Variants in CAST observed in about 807,000 individuals in gnomAD.
CAST encodes MIR583 host.
A neutral mutation model predicts 119.6 loss-of-function variants in CAST; 76 were observed. The ratio of observed to expected loss-of-function variants is 0.64; its 90% CI spans 0.53 to 0.77. The LOEUF (loss-of-function observed/expected upper bound fraction) is 0.77. CAST is among the 30% of genes least tolerant of loss of function. CAST has a pLI of 0.00. For missense variants in CAST, 953 were observed against 946.5 expected, an observed-to-expected ratio of 1.01 and a Z score of -0.09; for synonymous variants, 319 against 331.6, an observed-to-expected ratio of 0.96 and a Z score of 0.41.
At chr5:96,073,225 G>C in the CAST span, among the ~76,000 whole-genome samples, 1 of 152,138 alleles carries the variant, frequency 6.6e-6, no homozygotes, top group African/African-American at 2.4e-5. Flanking sequence ...AATTCTGTGT[G>C]TACAGACTTA....
At chr5:96,304,853 C>T in the CAST span, among the ~76,000 whole-genome samples, 120 of 152,214 alleles carry the variant, frequency 7.9e-4, 1 homozygote, top group African/African-American at 2.7e-3. Flanking sequence ...GTTACTGTAG[C>T]CTTGTAGTAT....
the CAST span, among the ~76,000 whole-genome samples, chr5:96,074,155 C>T: frequency 1.3e-5 from 2 of 151,800 alleles, no homozygotes; most frequent in African/African-American, 4.8e-5. Context: ...ACCTCGCTTC[C>T]CTGAACTACC....
intron 1 of CAST, among the ~76,000 whole-genome samples, chr5:96,648,123 T>A (rs1236740603): frequency 6.6e-6 from 1 of 152,236 alleles, no homozygotes; most frequent in African/African-American, 2.4e-5. Context: ...TGTGAACTCA[T>A]CTATCCTTTA....
chr5:96,307,016 T>C, the CAST span, among the ~76,000 whole-genome samples: 7 of 152,230 alleles, frequency 4.6e-5, no homozygotes, highest in Non-Finnish European at 1.0e-4. Flanking sequence ...GTTAATTTTC[T>C]GTCTCCTTGA....
chr5:96,662,822 T>C (rs1748742749), intron 1 of CAST, among the ~76,000 whole-genome samples: 1 of 151,496 alleles, frequency 6.6e-6, no homozygotes, highest in African/African-American at 2.4e-5. Flanking sequence ...GACCCCCGAG[T>C]GAGTGGGGTG....
At chr5:96,187,644 A>G in the CAST span, among the ~76,000 whole-genome samples, 1 of 152,070 alleles carries the variant, frequency 6.6e-6, no homozygotes, top group Non-Finnish European at 1.5e-5. Context: ...CTCTTGCTCA[A>G]TGGTTTGTAA....
At chr5:96,054,682 C>T in the CAST span, among the ~76,000 whole-genome samples, 1 of 152,048 alleles carries the variant, frequency 6.6e-6, no homozygotes, top group Non-Finnish European at 1.5e-5. Flanking sequence ...ACAATATTGC[C>T]GTATGTGAAA....
chr5:96,670,403 C>G (rs1289689802), intron 1 of CAST, among the ~76,000 whole-genome samples: 3 of 152,226 alleles, frequency 2.0e-5, no homozygotes, highest in Admixed American at 1.3e-4. Flanking sequence ...CAGAAGCACA[C>G]TAGCATTTCA....
chr5:96,412,684 A>G, the CAST span, among the ~76,000 whole-genome samples: 4 of 150,464 alleles, frequency 2.7e-5, no homozygotes, highest in African/African-American at 7.4e-5. Context: ...TGCTGCCCCC[A>G]TAAGCTTTTT....
At chr5:96,720,075 G>T (rs763434130) in intron 3 of CAST, among the ~76,000 whole-genome samples, 1 of 152,130 alleles carries the variant, frequency 6.6e-6, no homozygotes, top group African/African-American at 2.4e-5. Context: ...TTTCATACGG[G>T]CAGGGACATG....
At chr5:96,599,277 G>A (rs1039199546) in intron 1 of CAST, among the ~76,000 whole-genome samples, 2 of 152,160 alleles carry the variant, frequency 1.3e-5, no homozygotes, top group African/African-American at 4.8e-5. Context: ...GGTGGTTAGT[G>A]CCCCAATCTG....
chr5:95,997,840 C>A, the CAST span, among the ~76,000 whole-genome samples: 1 of 152,008 alleles, frequency 6.6e-6, no homozygotes, highest in East Asian at 1.9e-4. Context: ...GCAGGGTACC[C>A]CAACTGAATA....
At chr5:96,538,956 A>G (rs1318490313) in intron 1 of CAST, among the ~76,000 whole-genome samples, 1 of 152,196 alleles carries the variant, frequency 6.6e-6, no homozygotes, top group Non-Finnish European at 1.5e-5. Flanking sequence ...TTTGGTCAAT[A>G]TGGTAGCAGC....
intron 3 of CAST, among the ~76,000 whole-genome samples, chr5:96,709,909 A>C (rs1199604526): frequency 1.3e-5 from 2 of 152,214 alleles, no homozygotes; most frequent in South Asian, 4.1e-4. Context: ...CAGAATATCT[A>C]CCTATAAAAT....
the CAST span, among the ~76,000 whole-genome samples, chr5:96,052,492 A>T: frequency 7.9e-5 from 12 of 152,244 alleles, no homozygotes; most frequent in Non-Finnish European, 1.6e-4. Context: ...ATGTACATTT[A>T]GATTTTTTTA....
the CAST span, among the ~76,000 whole-genome samples, chr5:96,216,216 C>T: frequency 6.6e-6 from 1 of 152,034 alleles, no homozygotes; most frequent in Admixed American, 6.6e-5. Context: ...ATCAGTAAAG[C>T]TTCTGGTCAA....
At chr5:96,191,597 A>T in the CAST span, among the ~76,000 whole-genome samples, 1 of 152,174 alleles carries the variant, frequency 6.6e-6, no homozygotes, top group Non-Finnish European at 1.5e-5. Flanking sequence ...ATAAAGATGG[A>T]GTATCAAATA....
chr5:96,443,237 C>A, the CAST span, among the ~76,000 whole-genome samples: 3 of 152,184 alleles, frequency 2.0e-5, no homozygotes, highest in Admixed American at 2.0e-4. Flanking sequence ...GTTTCCAGAG[C>A]TTATTAATGC....
intron 16 of CAST, chr5:96,743,878 G>A: frequency 1.6e-6 from 1 of 613,484 alleles, no homozygotes; most frequent in African/African-American, 1.9e-5. Flanking sequence ...GAGTCAGGAG[G>A]CCAAGCTGAG....
Sources: gnomAD v4.1 joint callset for allele counts (sites outside exome capture counted in the v4.1 genomes callset) on GRCh38, gnomAD v4.1.1 for gene constraint, MANE v1.5 for transcripts, NCBI Gene and HGNC (gene_info 2026-07-23, HGNC 2026-07-21) for gene names.